The following ZNF90 variants were observed in gnomAD, a reference collection of about 807,000 sequenced individuals.
The protein encoded by ZNF90 is zinc finger protein 90, also known as zinc finger protein HTF9.
In ZNF90, 11 loss-of-function variants were observed where a neutral mutation model predicts 12.0. That is an observed-to-expected ratio of 0.92 (90% CI 0.58 to 1.52). ZNF90 has a LOEUF of 1.52. Ranked by LOEUF, ZNF90 falls within the 40% of genes most tolerant of loss-of-function variation. The pLI is 0.00. For synonymous variants in ZNF90, 232 were observed against 240.1 expected (o/e 0.97, Z 0.31); for missense variants, 765 against 711.5 (o/e 1.08, Z -0.86).
At chr19:20,095,532 G>A (rs533875065) in intron 1 of ZNF90, among the ~76,000 whole-genome samples, 26 of 151,978 alleles carry the variant, frequency 1.7e-4, no homozygotes, top group African/African-American at 3.9e-4. Context: ...GAAGGGGTTC[G>A]GAGGTTCTTA....
chr19:20,095,809 G>A (rs1432163350), intron 1 of ZNF90, among the ~76,000 whole-genome samples: 4 of 151,478 alleles, frequency 2.6e-5, no homozygotes, highest in Non-Finnish European at 4.4e-5. Context: ...CCCCAGAAAA[G>A]CAGAGAAGGG....
intron 1 of ZNF90, chr19:20,080,338 C>A (rs1380752588): frequency 4.1e-6 from 2 of 487,720 alleles, no homozygotes; most frequent in Admixed American, 2.6e-5. Context: ...ACACTCTGAG[C>A]CACAGGAGAA....
chr19:20,097,514 G>A (rs1474176011), intron 1 of ZNF90, among the ~76,000 whole-genome samples: 2 of 152,190 alleles, frequency 1.3e-5, no homozygotes, highest in African/African-American at 4.8e-5. Context: ...TTTCAGACCT[G>A]AAACGGATTC....
intron 1 of ZNF90, among the ~76,000 whole-genome samples, chr19:20,086,858 A>T (rs943815248): frequency 4.6e-5 from 7 of 152,158 alleles, no homozygotes; most frequent in Non-Finnish European, 8.8e-5. Flanking sequence ...CACAATTTTA[A>T]TATCTTTTAT....
chr19:20,099,879 C>G (rs2088976032), intron 1 of ZNF90, among the ~76,000 whole-genome samples: 1 of 152,112 alleles, frequency 6.6e-6, no homozygotes, highest in African/African-American at 2.4e-5. Context: ...TCCTAACTTC[C>G]AAGGGAACAC....
Position 20,118,378 on chromosome 19 carries a change from A to G in ZNF90, c.824A>G (p.His275Arg), listed in dbSNP as rs376687411. Residue 275 changes from histidine (H) to arginine (R), a missense_variant, in exon 4 of 4, where the codon CAT (histidine) becomes CGT (arginine). Coordinates refer to ENST00000418063, the MANE Select transcript of ZNF90 (RefSeq NM_007138.2). ...AAGTATTCCTCTACCCTTACTGCAC[A>G]TAAGAGAATTCATACTGGAGAGAAA... The part of the protein sequence containing the change: ...ELKYSSTLTA[H>R]KRIHTGEKPY... 2.9e-5 allele frequency: 46 copies of G among 1,597,082 alleles called. No individual in the cohort carries two copies. In the East Asian group the frequency reaches 5.9e-4, roughly 20 times the overall value.
chr19:20,082,153 T>C (rs1013295575), intron 1 of ZNF90, among the ~76,000 whole-genome samples: 1 of 152,232 alleles, frequency 6.6e-6, no homozygotes, highest in East Asian at 1.9e-4. Context: ...GGGTTTGGTG[T>C]GCAGATTTTA....
chr19:20,118,387 T>C lies in ZNF90; in HGVS notation c.833T>C (p.Ile278Thr). The C allele has an allele frequency of 6.2e-7, 1 of 1,603,422 alleles. No homozygotes were observed. The highest frequency in any genetic ancestry group is 8.5e-7 in the Non-Finnish European group (1 of 1,174,386). Residue 278 changes from isoleucine to threonine, a missense_variant, in exon 4 of 4, where the codon ATT (isoleucine) becomes ACT (threonine). Physicochemically the swap from Ile to Thr is moderately conservative, Grantham distance 89. Coordinates refer to ENST00000418063, the MANE Select transcript of ZNF90 (RefSeq NM_007138.2). ...YSSTLTAHKR[I>T]HTGEKPYKCD... ...TCTACCCTTACTGCACATAAGAGAATTCATACTGGAGAGAAACCCTACAAG... is the reference window on the plus strand; with the variant it reads ...TCTACCCTTACTGCACATAAGAGAACTCATACTGGAGAGAAACCCTACAAG...
intron 1 of ZNF90, among the ~76,000 whole-genome samples, chr19:20,084,308 C>G (rs1177630281): frequency 6.6e-6 from 1 of 151,916 alleles, no homozygotes; most frequent in African/African-American, 2.4e-5. Context: ...CCGCCCGGGT[C>G]AGCCTCCCAA....
chr19:20,089,335 AT>A (rs2088884202), intron 1 of ZNF90, among the ~76,000 whole-genome samples: 1 of 152,132 alleles, frequency 6.6e-6, no homozygotes, highest in African/African-American at 2.4e-5. Context: ...GTAGCCAAGG[AT>A]GGAGTGAAAT....
intron 1 of ZNF90, among the ~76,000 whole-genome samples, chr19:20,085,268 C>CTTTTTTTTTTCTTTTTTTCT (rs56068843): frequency 7.4e-6 from 1 of 135,572 alleles, no homozygotes; most frequent in Non-Finnish European, 1.5e-5. Flanking sequence ...TTGCATTGGT[C>CTTTTTTTTTTCTTTTTTTCT]TTTTTTTTTT....
chr19:20,118,596 A>T lies in ZNF90; in HGVS notation c.1042A>T (p.Lys348Ter). 5 of 1,613,016 alleles carry T rather than the reference A, an allele frequency of 3.1e-6. No homozygotes were observed. Among genetic ancestry groups the T allele is most frequent in the Non-Finnish European group, 4.2e-6 (5 of 1,179,784 alleles). ...ACCCTACAAATGTGAAGAATGTGGC[A>T]AAGCCTTCAGGCGCTCCTTAGTCCT... Reference protein sequence around the residue: ...EKPYKCEECGKAFRRSLVLRT... With the variant: ...EKPYKCEECG Residue 348 changes from lysine (K) to a stop codon, truncating the protein, a stop_gained, in exon 4 of 4, where the codon AAA (lysine) becomes TAA (stop). Coordinates refer to ENST00000418063, the MANE Select transcript of ZNF90 (RefSeq NM_007138.2). LOFTEE classifies it low-confidence loss of function (END_TRUNC).
At chr19:20,114,022 G>A (rs2089115122) in intron 3 of ZNF90, among the ~76,000 whole-genome samples, 2 of 152,132 alleles carry the variant, frequency 1.3e-5, no homozygotes, top group Admixed American at 1.3e-4. Context: ...GCCGGGCGGG[G>A]TGGCTTACGC....
intron 1 of ZNF90, among the ~76,000 whole-genome samples, chr19:20,098,202 T>C (rs2088963541): frequency 6.6e-6 from 1 of 152,218 alleles, no homozygotes; most frequent in African/African-American, 2.4e-5. Context: ...AGGTGGATCC[T>C]ACCTAGAATC....
chr19:20,087,740 G>A (rs2088870205), intron 1 of ZNF90, among the ~76,000 whole-genome samples: 1 of 152,230 alleles, frequency 6.6e-6, no homozygotes, highest in Admixed American at 6.5e-5. Flanking sequence ...GAGCAATAAA[G>A]CTTTTGATCA....
At chr19:20,107,392 T>TGAGG (rs1555704593) in intron 3 of ZNF90, among the ~76,000 whole-genome samples, 1 of 152,176 alleles carries the variant, frequency 6.6e-6, no homozygotes, top group African/African-American at 2.4e-5. Flanking sequence ...CCCACCTAAA[T>TGAGG]GAGGGCCTGC....
chr19:20,115,003 C>T (rs1306036425), intron 3 of ZNF90, among the ~76,000 whole-genome samples: 1 of 152,104 alleles, frequency 6.6e-6, no homozygotes, highest in Non-Finnish European at 1.5e-5. Context: ...ACAAATTTGT[C>T]ATAGGTCCCC....
At chr19:20,094,385 C>T (rs1488116893) in intron 1 of ZNF90, among the ~76,000 whole-genome samples, 2 of 152,164 alleles carry the variant, frequency 1.3e-5, no homozygotes, top group Admixed American at 6.5e-5. Context: ...GCCTTCTGGC[C>T]CCTCTGGGTC....
rs190310996 is a variant in ZNF90 at position 20,103,462 on chromosome 19, G to A, written c.4-777G>A. 5.3e-5 allele frequency among the ~76,000 whole-genome samples: 8 copies of A among 152,212 alleles called. No homozygotes were observed. In the East Asian group the frequency reaches 9.6e-4, roughly 18 times the overall value. On this transcript the variant is annotated intron_variant, in intron 1 of 3. Coordinates refer to ENST00000418063, the MANE Select transcript of ZNF90 (RefSeq NM_007138.2). ...ACAGTGATGCTGTATTCTTCTGTGC[G>A]CATTAGCACATCATAAAATTTGTCC...
Sources: gnomAD v4.1 joint callset for allele counts (sites outside exome capture counted in the v4.1 genomes callset) on GRCh38, gnomAD v4.1.1 for gene constraint, MANE v1.5 for transcripts, NCBI Gene and HGNC (gene_info 2026-07-23, HGNC 2026-07-21) for gene names.